Variants in STX7 observed in about 807,000 individuals in gnomAD.
The protein encoded by STX7 is syntaxin 7, also known as syntaxin-7.
Under a neutral mutation model 39.6 loss-of-function variants are expected in STX7, and 34 were observed. The observed-to-expected ratio is 0.86, with a 90% CI of 0.65 to 1.14. STX7 has a LOEUF of 1.14. Among genes scored for constraint, STX7 ranks in the 50% most tolerant of loss-of-function variants. The pLI, the probability that STX7 is intolerant of heterozygous loss-of-function variation, is 0.00. For missense variants in STX7, 284 were observed against 310.4 expected (o/e 0.92, Z 0.64); for synonymous variants, 119 against 99.1 (o/e 1.20, Z -1.19).
At chr6:132,465,472 C>T (rs1774543200) in intron 8 of STX7, among the ~76,000 whole-genome samples, 1 of 152,182 alleles carries the variant, frequency 6.6e-6, no homozygotes, top group African/African-American at 2.4e-5. Context: ...CCCCCTTGCC[C>T]CTCCACTTTA....
intron 3 of STX7, among the ~76,000 whole-genome samples, chr6:132,472,872 G>T (rs116193894): frequency 0.24 from 35,826 of 151,958 alleles, 4,573 homozygotes; most frequent in East Asian, 0.54. Context: ...AGGCGGGGGG[G>T]AGGGGCCAGG....
At position 132,455,943 on chromosome 6, in the gene STX7, T is replaced by C. The variant is rs969103815; in HGVS notation, c.*4815A>G. ...AAAAACATTTTAAGAAACATTTCTT[T>C]ATATGGAGCATACTTACTGTTTTTG... On this transcript the variant is annotated 3_prime_UTR_variant, in exon 10 of 10. Transcript: ENST00000367941. 1 of 152,218 alleles carries C rather than the reference T, an allele frequency of 6.6e-6. No individual in the cohort carries two copies. Among genetic ancestry groups the C allele is most frequent in the African/African-American group, 2.4e-5 (1 of 41,458 alleles). The allele number at this position is 152,218 out of a possible 1,614,324, so 9.4% of individuals were successfully genotyped here.
intron 3 of STX7, among the ~76,000 whole-genome samples, chr6:132,474,337 T>C (rs1774816109): frequency 1.3e-5 from 2 of 152,088 alleles, no homozygotes; most frequent in Admixed American, 6.6e-5. Context: ...TGTACTTCTA[T>C]TCCATTTTAC....
chr6:132,485,444 T>A (rs1775109688), intron 2 of STX7, among the ~76,000 whole-genome samples: 1 of 152,234 alleles, frequency 6.6e-6, no homozygotes, highest in Non-Finnish European at 1.5e-5. Flanking sequence ...TGTTTCCCGT[T>A]TTTGTCCATT....
At position 132,454,856 on chromosome 6, in the gene STX7, A is replaced by G. The variant is rs1562316607; in HGVS notation, c.*5902T>C. The G allele has an allele frequency of 6.6e-6, 1 of 152,180 alleles. No individual in the cohort carries two copies. Among genetic ancestry groups the G allele is most frequent in the Non-Finnish European group, 1.5e-5 (1 of 68,016 alleles). 9.4% of individuals were successfully genotyped at this position (152,180 alleles called of 1,614,324 possible). A position where few individuals can be genotyped will look rare whatever the true frequency, so the allele number is the denominator to read the frequency against. ...AATGATATATAACTAAGGTTATCTT[A>G]CTATTAGCAAATTTTGGTATATACC... On this transcript the variant is annotated 3_prime_UTR_variant, in exon 10 of 10. Transcript: ENST00000367941.
intron 7 of STX7, 102 bp downstream of exon 7, chr6:132,469,849 A>G: frequency 1.0e-6 from 1 of 990,408 alleles, no homozygotes; most frequent in East Asian, 3.2e-5. Flanking sequence ...AAAGAAAACA[A>G]AATTTTTCTG....
chr6:132,472,250 A>G (rs753651045), intron 4 of STX7, 32 bp downstream of exon 4: 10 of 1,557,766 alleles, frequency 6.4e-6, no homozygotes, highest in Non-Finnish European at 7.9e-6. Context: ...TTCACATTCA[A>G]TACATCAACA....
intron 2 of STX7, among the ~76,000 whole-genome samples, chr6:132,499,471 C>T (rs1333308617): frequency 1.3e-5 from 2 of 152,190 alleles, no homozygotes; most frequent in Admixed American, 6.5e-5. Flanking sequence ...CCTCCATCTA[C>T]ACTTGCAATA....
intron 1 of STX7, among the ~76,000 whole-genome samples, chr6:132,508,025 G>A (rs983312489): frequency 1.3e-5 from 2 of 152,168 alleles, no homozygotes. Context: ...TCTACTTTGG[G>A]CAAGACACTT....
Position 132,454,041 on chromosome 6 carries a change from C to G in STX7, c.*6717G>C, listed in dbSNP as rs1048484353. On this transcript the variant is annotated 3_prime_UTR_variant, in exon 10 of 10. Coordinates refer to ENST00000367941, the MANE Select transcript of STX7 (RefSeq NM_003569.3). ...GGCCCAATGTCTCTCAGCAGGTGAA[C>G]AGTTAAACAAACTGTGGTACATCTA... The G allele has an allele frequency of 3.3e-5, 5 of 151,088 alleles. No homozygotes were observed. The highest frequency in any genetic ancestry group is 7.4e-5 in the Non-Finnish European group (5 of 67,616). The allele number at this position is 151,088 out of a possible 1,614,324, so 9.4% of individuals were successfully genotyped here.
chr6:132,499,278 C>G (rs1775492804), intron 2 of STX7, among the ~76,000 whole-genome samples: 1 of 152,222 alleles, frequency 6.6e-6, no homozygotes, highest in Non-Finnish European at 1.5e-5. Flanking sequence ...TATTGATTCT[C>G]TCATCCTTCT....
Position 132,455,731 on chromosome 6 carries a change from G to A in STX7, c.*5027C>T, listed in dbSNP as rs1774227410. 6.6e-6 allele frequency: 1 copy of A among 152,048 alleles called. No individual in the cohort carries two copies. The highest frequency in any genetic ancestry group is 1.5e-5 in the Non-Finnish European group (1 of 68,002). The allele number at this position is 152,048 out of a possible 1,614,324, so 9.4% of individuals were successfully genotyped here. ...GCTCTATTTCTGCATTTAAAATTAGGATTATTTGGAGAAAAATATTACATA... is the reference window on the plus strand; with the variant it reads ...GCTCTATTTCTGCATTTAAAATTAGAATTATTTGGAGAAAAATATTACATA... On this transcript the variant is annotated 3_prime_UTR_variant, in exon 10 of 10. Coordinates refer to ENST00000367941, the MANE Select transcript of STX7 (RefSeq NM_003569.3).
intron 1 of STX7, among the ~76,000 whole-genome samples, chr6:132,507,254 T>C (rs149539935): frequency 1.3e-5 from 2 of 152,330 alleles, no homozygotes; most frequent in South Asian, 2.1e-4. Context: ...AATATAACCA[T>C]GTAACAAAAC....
Position 132,470,015 on chromosome 6 carries a change from TC to T in STX7, c.472del (p.Glu158LysfsTer37). 6.3e-7 allele frequency: 1 copy of T among 1,596,088 alleles called. No individual in the cohort carries two copies. Among genetic ancestry groups the T allele is most frequent in the South Asian group, 1.1e-5 (1 of 87,364 alleles). ...QTQPQVQVQD[E>X]EITEDDLRLI... is the part of the protein sequence containing the mutation. ...ACGGAGGTCATCCTCTGTAATTTCTTCATCCTGCACCTGCACTTGAGGTTGA... is the reference window on the plus strand; with the variant it reads ...ACGGAGGTCATCCTCTGTAATTTCTTATCCTGCACCTGCACTTGAGGTTGA... On this transcript the variant is annotated frameshift_variant, in exon 7 of 10. Transcript: ENST00000367941. LOFTEE classifies it high-confidence loss of function.
intron 8 of STX7, among the ~76,000 whole-genome samples, chr6:132,468,125 T>C (rs184969012): frequency 6.6e-6 from 1 of 152,212 alleles, no homozygotes; most frequent in Non-Finnish European, 1.5e-5. Context: ...GGAATAATGT[T>C]TCATGGTGCC....
Position 132,455,091 on chromosome 6 carries a change from C to G in STX7, c.*5667G>C, listed in dbSNP as rs1774215706. On this transcript the variant is annotated 3_prime_UTR_variant, in exon 10 of 10. Coordinates refer to ENST00000367941, the MANE Select transcript of STX7 (RefSeq NM_003569.3). ...ATCTTGCTTATTTTTAGAATCATTA[C>G]TGACAGAAGGATCAGCTTTGATCTG... The G allele has an allele frequency of 6.6e-6, 1 of 152,136 alleles. No homozygotes were observed. Among genetic ancestry groups the G allele is most frequent in the Non-Finnish European group, 1.5e-5 (1 of 68,002 alleles). 9.4% of individuals were successfully genotyped at this position (152,136 alleles called of 1,614,324 possible). A position where few individuals can be genotyped will look rare whatever the true frequency, so the allele number is the denominator to read the frequency against.
chr6:132,458,564 C>T lies in STX7; in HGVS notation c.*2194G>A, dbSNP rs1774305398. On this transcript the variant is annotated 3_prime_UTR_variant, in exon 10 of 10. Coordinates refer to ENST00000367941, the MANE Select transcript of STX7 (RefSeq NM_003569.3). ...TTCACTTTGACTCAAATGGATTCAC[C>T]ATGCTGTCAGTTATGAAAACAACTC... The T allele has an allele frequency of 6.6e-6, 1 of 152,156 alleles. No homozygotes were observed. 9.4% of individuals were successfully genotyped at this position (152,156 alleles called of 1,614,324 possible).
chr6:132,476,403 C>G (rs768603222), intron 2 of STX7, among the ~76,000 whole-genome samples: 63 of 152,120 alleles, frequency 4.1e-4, no homozygotes, highest in South Asian at 2.1e-4. Flanking sequence ...GTGGGACAAT[C>G]TACGAGATAA....
intron 9 of STX7, chr6:132,461,673 C>T: frequency 1.5e-6 from 1 of 680,028 alleles, no homozygotes; most frequent in Non-Finnish European, 2.4e-6. Context: ...AAATCATTCT[C>T]ATTCTTTAAT....
Sources: gnomAD v4.1 joint callset for allele counts (sites outside exome capture counted in the v4.1 genomes callset) on GRCh38, gnomAD v4.1.1 for gene constraint, MANE v1.5 for transcripts, NCBI Gene and HGNC (gene_info 2026-07-23, HGNC 2026-07-21) for gene names.